KIAA0319L: variants seen among roughly 807,000 people sequenced by gnomAD.
KIAA0319L encodes the protein KIAA0319 like.
A neutral mutation model predicts 120.1 loss-of-function variants in KIAA0319L; 55 were observed. The ratio of observed to expected loss-of-function variants is 0.46; its 90% CI spans 0.37 to 0.57. The LOEUF (loss-of-function observed/expected upper bound fraction) is 0.57. Ranked by LOEUF, KIAA0319L falls within the 20% of genes least tolerant of loss-of-function variation. The pLI, the probability that KIAA0319L is intolerant of heterozygous loss-of-function variation, is 0.00. For missense variants in KIAA0319L, 1,049 were observed against 1,255.3 expected (o/e 0.84, Z 2.48); for synonymous variants, 398 against 471.9 (o/e 0.84, Z 2.03).
chr1:35,478,447 G>T (rs999740614), intron 4 of KIAA0319L, among the ~76,000 whole-genome samples: 1 of 152,072 alleles, frequency 6.6e-6, no homozygotes, highest in African/African-American at 2.4e-5. Context: ...AAGGATAAAG[G>T]CTTGAAGGGA....
chr1:35,527,725 A>G (rs1474104269), intron 2 of KIAA0319L, among the ~76,000 whole-genome samples: 3 of 151,848 alleles, frequency 2.0e-5, no homozygotes, highest in African/African-American at 4.8e-5. Flanking sequence ...CATTTCTGTG[A>G]TATCAGTTGT....
intron 7 of KIAA0319L, 41 bp downstream of exon 7, chr1:35,466,567 C>A: frequency 4.4e-6 from 6 of 1,360,538 alleles, no homozygotes; most frequent in Non-Finnish European, 5.3e-6. Flanking sequence ...AGGAGTCCTG[C>A]AGAGGGAGGA....
intron 2 of KIAA0319L, among the ~76,000 whole-genome samples, chr1:35,545,160 T>C (rs1646935290): frequency 6.6e-6 from 1 of 152,040 alleles, no homozygotes; most frequent in Non-Finnish European, 1.5e-5. Flanking sequence ...GTTTATTAAC[T>C]AGATGGTAGA....
chr1:35,522,745 C>T (rs1202629402), intron 2 of KIAA0319L, among the ~76,000 whole-genome samples: 6 of 151,314 alleles, frequency 4.0e-5, no homozygotes, highest in Admixed American at 3.3e-4. Flanking sequence ...GGGCCGGGCG[C>T]GGGGGCTCAT....
chr1:35,457,207 C>A (rs1642535411), intron 9 of KIAA0319L, among the ~76,000 whole-genome samples: 1 of 152,096 alleles, frequency 6.6e-6, no homozygotes, highest in South Asian at 2.1e-4. Context: ...AGCCAAGATG[C>A]AAGCATAGTT....
intron 2 of KIAA0319L, among the ~76,000 whole-genome samples, chr1:35,535,479 ATC>A (rs1646539766): frequency 6.6e-6 from 1 of 152,154 alleles, no homozygotes; most frequent in African/African-American, 2.4e-5. Context: ...CTGCATTTGA[ATC>A]TCAACCCAGT....
intron 9 of KIAA0319L, 44 bp from the exon 10 acceptor site, chr1:35,456,285 G>A (rs1167161259): frequency 2.3e-6 from 3 of 1,301,992 alleles, no homozygotes; most frequent in South Asian, 1.5e-5. Flanking sequence ...CGGGTTTAAG[G>A]AAAGAGGAAT....
intron 2 of KIAA0319L, among the ~76,000 whole-genome samples, chr1:35,515,281 C>T (rs1276005883): frequency 6.8e-6 from 1 of 147,108 alleles, no homozygotes; most frequent in Admixed American, 6.8e-5. Context: ...CATTGCACTC[C>T]AGCCTGGACA....
At chr1:35,487,429 A>T (rs1644430116) in intron 3 of KIAA0319L, among the ~76,000 whole-genome samples, 1 of 152,020 alleles carries the variant, frequency 6.6e-6, no homozygotes, top group Non-Finnish European at 1.5e-5. Flanking sequence ...TAATTTTTGT[A>T]TTTTTAGTAG....
At chr1:35,464,915 A>G (rs1643149899) in intron 7 of KIAA0319L, among the ~76,000 whole-genome samples, 1 of 152,212 alleles carries the variant, frequency 6.6e-6, no homozygotes, top group South Asian at 2.1e-4. Flanking sequence ...GGCAGTTTCC[A>G]TGTGGTGTTG....
At chr1:35,480,657 C>T (rs1644125252) in intron 3 of KIAA0319L, among the ~76,000 whole-genome samples, 1 of 152,066 alleles carries the variant, frequency 6.6e-6, no homozygotes, top group Admixed American at 6.6e-5. Flanking sequence ...TGGTACACGC[C>T]TGTAGTCCCA....
At chr1:35,484,817 T>TA (rs1644322380) in intron 3 of KIAA0319L, among the ~76,000 whole-genome samples, 7 of 139,186 alleles carry the variant, frequency 5.0e-5, no homozygotes, top group Admixed American at 7.3e-5. Context: ...TTTTTTTTTT[T>TA]ATTATACTCT....
In KIAA0319L at chr1:35,454,661, T is replaced by TG. The variant is rs754460303; in HGVS notation, c.1657-177dup. 2.9e-6 allele frequency: 4 copies of TG among 1,391,000 alleles called. No homozygotes were observed. In the African/African-American group the frequency reaches 5.8e-5, roughly 20 times the overall value. 86.2% of individuals were successfully genotyped at this position (1,391,000 alleles called of 1,614,324 possible). ...TGGAGTCAGATATCATGAGGCACCT[T>TG]GCTAAGGGTTTCCCCCTTCAAGGAA... On this transcript the variant is annotated intron_variant, in intron 10 of 20. Coordinates refer to ENST00000325722, the MANE Select transcript of KIAA0319L (RefSeq NM_024874.5).
chr1:35,444,441 GAAA>G, intron 16 of KIAA0319L, 138 bp from the exon 17 acceptor site: 1 of 803,792 alleles, frequency 1.2e-6, no homozygotes, highest in South Asian at 2.5e-5. Flanking sequence ...AAGCCAGTGA[GAAA>G]GGTGTTATCA....
At chr1:35,494,349 T>C (rs1644715297) in intron 3 of KIAA0319L, among the ~76,000 whole-genome samples, 1 of 151,992 alleles carries the variant, frequency 6.6e-6, no homozygotes, top group Non-Finnish European at 1.5e-5. Flanking sequence ...CTCAAGAGGC[T>C]GAGGCAGGAG....
chr1:35,482,084 A>G (rs1455746042), intron 3 of KIAA0319L, among the ~76,000 whole-genome samples: 1 of 151,966 alleles, frequency 6.6e-6, no homozygotes, highest in Non-Finnish European at 1.5e-5. Flanking sequence ...TTGGCCTCCC[A>G]AAGTGCTGGG....
intron 9 of KIAA0319L, among the ~76,000 whole-genome samples, chr1:35,457,258 T>C (rs561667082): frequency 1.3e-5 from 2 of 152,082 alleles, no homozygotes; most frequent in South Asian, 4.2e-4. Flanking sequence ...TAAGAAGAGG[T>C]AATTCTTAGT....
At chr1:35,496,016 T>C (rs1375402474) in intron 3 of KIAA0319L, among the ~76,000 whole-genome samples, 1 of 152,190 alleles carries the variant, frequency 6.6e-6, no homozygotes, top group Non-Finnish European at 1.5e-5. Context: ...ATACCAAGTG[T>C]TAGCAAGAAT....
rs931294062 is a variant in KIAA0319L at position 35,466,519 on chromosome 1, T to C, written c.1201+89A>G. The C allele has an allele frequency of 1.3e-4, 106 of 843,670 alleles. No individual in the cohort carries two copies. In the Admixed American group the frequency reaches 2.4e-3, roughly 19 times the overall value. 52.3% of individuals were successfully genotyped at this position (843,670 alleles called of 1,614,324 possible). On this transcript the variant is annotated intron_variant, in intron 7 of 20. Transcript: ENST00000325722. ...CTGAATAAATACATTACAAAAAAAA[T>C]GAGAATCAAAAACCCCAAATCAAAT...
Sources: gnomAD v4.1 joint callset for allele counts (sites outside exome capture counted in the v4.1 genomes callset) on GRCh38, gnomAD v4.1.1 for gene constraint, MANE v1.5 for transcripts, NCBI Gene and HGNC (gene_info 2026-07-23, HGNC 2026-07-21) for gene names.